ARFGEF1: variants seen among roughly 807,000 people sequenced by gnomAD.
ARFGEF1 encodes the protein brefeldin A-inhibited guanine nucleotide-exchange protein 1.
A neutral mutation model predicts 231.0 loss-of-function variants in ARFGEF1; 42 were observed. The ratio of observed to expected loss-of-function variants is 0.18; its 90% CI spans 0.14 to 0.24. The LOEUF (loss-of-function observed/expected upper bound fraction) is 0.24, where lower values mean the gene tolerates loss of function less well. Ranked by LOEUF, ARFGEF1 falls within the 10% of genes least tolerant of loss-of-function variation. The pLI, the probability that ARFGEF1 is intolerant of heterozygous loss-of-function variation, is 1.00. For missense variants in ARFGEF1, 1,345 were observed against 2,192.0 expected, an observed-to-expected ratio of 0.61 and a Z score of 7.72; for synonymous variants, 710 against 732.3, an observed-to-expected ratio of 0.97 and a Z score of 0.49.
intron 19 of ARFGEF1, among the ~76,000 whole-genome samples, chr8:67,248,508 A>G (rs1456136076): frequency 6.6e-6 from 1 of 150,540 alleles, no homozygotes; most frequent in Non-Finnish European, 1.5e-5. Context: ...TTAAAAACTT[A>G]CATCTAAGAC....
At chr8:67,278,089 G>A (rs1296145679) in intron 7 of ARFGEF1, among the ~76,000 whole-genome samples, 1 of 152,112 alleles carries the variant, frequency 6.6e-6, no homozygotes, top group African/African-American at 2.4e-5. Flanking sequence ...ACAGAAACAA[G>A]TGACTTCTGG....
intron 29 of ARFGEF1, among the ~76,000 whole-genome samples, chr8:67,222,222 T>TATATATATATATACACACAC (rs1839210993): frequency 2.2e-5 from 2 of 90,336 alleles, no homozygotes; most frequent in Non-Finnish European, 4.2e-5. Flanking sequence ...CATATATATA[T>TATATATATATATACACACAC]ATGTATATGT....
chr8:67,225,076 C>T (rs1457525861), intron 28 of ARFGEF1, 43 bp from the exon 29 acceptor site: 1 of 1,518,214 alleles, frequency 6.6e-7, no homozygotes, highest in Non-Finnish European at 8.9e-7. Context: ...AAACATAACA[C>T]CCATACATTC....
intron 28 of ARFGEF1, 116 bp downstream of exon 28, chr8:67,225,907 A>G: frequency 9.4e-7 from 1 of 1,068,242 alleles, no homozygotes; most frequent in East Asian, 2.7e-5. Context: ...TGCTCAGATT[A>G]TTTTTCAAAT....
At chr8:67,240,961 A>G (rs999571305) in intron 19 of ARFGEF1, among the ~76,000 whole-genome samples, 1 of 152,216 alleles carries the variant, frequency 6.6e-6, no homozygotes, top group African/African-American at 2.4e-5. Flanking sequence ...GAAAATTCTA[A>G]TAAAATACAT....
At chr8:67,257,666 C>G in intron 17 of ARFGEF1, 66 bp downstream of exon 17, 1 of 1,250,194 alleles carries the variant, frequency 8.0e-7, no homozygotes, top group Non-Finnish European at 1.1e-6. Flanking sequence ...CTATTACTTA[C>G]TGAATTCAGA....
chr8:67,317,018 T>G (rs1200713017), intron 1 of ARFGEF1, among the ~76,000 whole-genome samples: 1 of 152,174 alleles, frequency 6.6e-6, no homozygotes, highest in Non-Finnish European at 1.5e-5. Flanking sequence ...ACTCACTCAA[T>G]AATTCCTGTG....
At chr8:67,276,162 T>C in intron 8 of ARFGEF1, 53 bp from the exon 9 acceptor site, 1 of 1,592,230 alleles carries the variant, frequency 6.3e-7, no homozygotes, top group Non-Finnish European at 8.6e-7. Context: ...CAGTGTAAAA[T>C]CGCTTCAGCC....
intron 35 of ARFGEF1, 53 bp from the exon 36 acceptor site, chr8:67,203,304 TG>T: frequency 6.3e-7 from 1 of 1,582,248 alleles, no homozygotes; most frequent in Non-Finnish European, 8.6e-7. Flanking sequence ...TAATTTTACT[TG>T]ATTTACAACT....
intron 1 of ARFGEF1, among the ~76,000 whole-genome samples, chr8:67,335,777 C>T (rs1158874391): frequency 1.3e-5 from 2 of 151,116 alleles, no homozygotes; most frequent in Admixed American, 6.6e-5. Context: ...GACGGACTCT[C>T]GCACTGTCTC....
chr8:67,328,311 G>C (rs1159662902), intron 1 of ARFGEF1, among the ~76,000 whole-genome samples: 1 of 151,914 alleles, frequency 6.6e-6, no homozygotes, highest in Non-Finnish European at 1.5e-5. Context: ...TATTTTCTCT[G>C]CCTGGATATT....
chr8:67,211,780 C>T (rs1006371996), intron 33 of ARFGEF1, among the ~76,000 whole-genome samples, 165 bp from the exon 34 acceptor site: 3 of 152,150 alleles, frequency 2.0e-5, no homozygotes, highest in African/African-American at 7.2e-5. Context: ...ATTACCTGTA[C>T]ATAGAGAAAA....
intron 19 of ARFGEF1, 130 bp from the exon 20 acceptor site, chr8:67,240,420 T>A: frequency 1.1e-6 from 1 of 873,870 alleles, no homozygotes. Context: ...AAAGCTTTCT[T>A]AAACAAAGGG....
At chr8:67,287,902 G>T in intron 7 of ARFGEF1, 53 bp downstream of exon 7, 2 of 1,249,590 alleles carry the variant, frequency 1.6e-6, no homozygotes, top group Non-Finnish European at 1.1e-6. Context: ...AGTCTCCACA[G>T]TCAGATGAAA....
intron 35 of ARFGEF1, among the ~76,000 whole-genome samples, 162 bp from the exon 36 acceptor site, chr8:67,203,413 T>C (rs927223441): frequency 8.5e-5 from 13 of 152,150 alleles, no homozygotes; most frequent in African/African-American, 2.9e-4. Context: ...CCAGTACGCA[T>C]CCTCGTCCCC....
intron 10 of ARFGEF1, 68 bp downstream of exon 10, chr8:67,271,634 C>A: frequency 8.6e-7 from 1 of 1,165,916 alleles, no homozygotes; most frequent in Non-Finnish European, 1.2e-6. Flanking sequence ...GCAGTGTATT[C>A]AAATATAATT....
chr8:67,323,261 A>AACT (rs1807679360), intron 1 of ARFGEF1, among the ~76,000 whole-genome samples: 1 of 152,162 alleles, frequency 6.6e-6, no homozygotes, highest in African/African-American at 2.4e-5. Context: ...CAACAACAAC[A>AACT]ACAACAAAAA....
chr8:67,306,817 G>A (rs1367800487), intron 1 of ARFGEF1, among the ~76,000 whole-genome samples: 2 of 152,160 alleles, frequency 1.3e-5, no homozygotes, highest in African/African-American at 4.8e-5. Flanking sequence ...TCACTCTGTT[G>A]CCCAGGCTGA....
chr8:67,204,648 C>CA (rs919734651), intron 35 of ARFGEF1, 32 bp downstream of exon 35: 2 of 1,591,352 alleles, frequency 1.3e-6, no homozygotes, highest in Non-Finnish European at 1.7e-6. Flanking sequence ...CCTACTTACA[C>CA]AAAAAAAGCA....
Sources: allele counts gnomAD v4.1 joint callset (sites outside exome capture counted in the v4.1 genomes callset), GRCh38; gene constraint gnomAD v4.1.1; transcripts MANE v1.5; gene names NCBI Gene and HGNC (gene_info 2026-07-23, HGNC 2026-07-21).